Variants in IGFL2 observed in about 807,000 individuals in gnomAD.
IGFL2 encodes IGF like family member 2.
A neutral mutation model predicts 13.9 loss-of-function variants in IGFL2; 7 were observed. The observed-to-expected ratio is 0.51, with a 90% CI of 0.29 to 0.95. IGFL2 has a LOEUF of 0.95. IGFL2 is among the 40% of genes least tolerant of loss of function. The probability of loss-of-function intolerance (pLI) is 0.08; values close to 1 mark genes in which losing one functional copy is unlikely to be tolerated. For missense variants in IGFL2, 138 were observed against 147.8 expected (o/e 0.93, Z 0.34); for synonymous variants, 55 against 55.8 (o/e 0.99, Z 0.07).
At chr19:46,106,200 C>T in the IGFL2 span, among the ~76,000 whole-genome samples, 6 of 151,946 alleles carry the variant, frequency 3.9e-5, no homozygotes, top group Admixed American at 3.3e-4. Context: ...AGATAGGTAA[C>T]GGATGAGGAA....
At chr19:46,127,431 T>C in the IGFL2 span, among the ~76,000 whole-genome samples, 1 of 152,206 alleles carries the variant, frequency 6.6e-6, no homozygotes, top group Non-Finnish European at 1.5e-5. Flanking sequence ...CCATGAACTA[T>C]TGACAATTTA....
the IGFL2 span, chr19:46,136,946 G>C: frequency 8.1e-7 from 1 of 1,229,970 alleles, no homozygotes; most frequent in Non-Finnish European, 1.2e-6. Flanking sequence ...CTGTAAAGTT[G>C]TTGGCTGCTA....
the IGFL2 span, among the ~76,000 whole-genome samples, chr19:46,170,438 A>G: frequency 8.2e-4 from 125 of 152,314 alleles, 2 homozygotes; most frequent in Middle Eastern, 0.017. Flanking sequence ...TGATGATTGC[A>G]TTAACTGCAC....
the IGFL2 span, among the ~76,000 whole-genome samples, chr19:46,175,539 T>A: frequency 6.6e-6 from 1 of 151,850 alleles, no homozygotes; most frequent in African/African-American, 2.4e-5. Context: ...TAAGTAATAC[T>A]TTGTGCAATT....
chr19:46,117,169 A>G, the IGFL2 span, among the ~76,000 whole-genome samples: 1 of 152,178 alleles, frequency 6.6e-6, no homozygotes. Flanking sequence ...AAGCCTATTC[A>G]GTAAGTTTTT....
the IGFL2 span, among the ~76,000 whole-genome samples, chr19:46,194,357 C>T: frequency 1.3e-5 from 2 of 152,096 alleles, no homozygotes; most frequent in Non-Finnish European, 2.9e-5. Context: ...TTGTTAGAAA[C>T]CTCCTGTGGT....
chr19:46,134,927 A>G, the IGFL2 span, among the ~76,000 whole-genome samples: 1 of 152,234 alleles, frequency 6.6e-6, no homozygotes, highest in South Asian at 2.1e-4. Flanking sequence ...CCCTAGGTGC[A>G]TAATACTGAG....
chr19:46,182,173 C>T, the IGFL2 span, among the ~76,000 whole-genome samples: 1 of 151,960 alleles, frequency 6.6e-6, no homozygotes, highest in Non-Finnish European at 1.5e-5. Context: ...TCGAGATGAG[C>T]CTGGCCAACA....
At chr19:46,127,739 C>CT in the IGFL2 span, among the ~76,000 whole-genome samples, 16 of 150,750 alleles carry the variant, frequency 1.1e-4, no homozygotes, top group Non-Finnish European at 1.5e-4. Context: ...CATGCAATTT[C>CT]TTTTTTTTTA....
chr19:46,108,230 AGGAGAGAAAGAAGGATTTGGGAT>A, the IGFL2 span, among the ~76,000 whole-genome samples: 1 of 152,164 alleles, frequency 6.6e-6, no homozygotes, highest in African/African-American at 2.4e-5. Context: ...AGGAACAGTC[AGGAGAGAAAGAAGGATTTGGGAT>A]GGGTCGCATT....
At chr19:46,139,831 G>A (rs1568416944), upstream of IGFL2, among the ~76,000 whole-genome samples, 1 of 151,412 alleles carries the variant, frequency 6.6e-6, no homozygotes, top group African/African-American at 2.4e-5. Context: ...ATGTGTATAT[G>A]TCTATATATA....
chr19:46,082,666 G>A, the IGFL2 span, among the ~76,000 whole-genome samples: 1 of 149,956 alleles, frequency 6.7e-6, no homozygotes, highest in Admixed American at 6.7e-5. Flanking sequence ...ACTCTGTCAC[G>A]CAGCTGGAGC....
chr19:46,152,831 T>C lies in IGFL2; in HGVS notation c.19+4534T>C, dbSNP rs577671923. ...TTTATTGTAGATGCTCTTTAACAGG[T>C]TGAGGAAACTCTCTTCTATTCCTAG... is the stretch of plus-strand genomic sequence containing the variant. On this transcript the variant is annotated intron_variant, in intron 1 of 3. Transcript: ENST00000377693. 5.8e-4 allele frequency among the ~76,000 whole-genome samples: 89 copies of C among 152,328 alleles called. 1 individual carries two copies. The highest frequency in any genetic ancestry group is 1.9e-3 in the African/African-American group (80 of 41,568).
At chr19:46,078,790 G>T in the IGFL2 span, among the ~76,000 whole-genome samples, 3 of 152,288 alleles carry the variant, frequency 2.0e-5, no homozygotes, top group African/African-American at 7.2e-5. Context: ...ATGGAGAGCG[G>T]CGCCCACCTT....
At chr19:46,121,429 C>T in the IGFL2 span, among the ~76,000 whole-genome samples, 1 of 147,362 alleles carries the variant, frequency 6.8e-6, no homozygotes, top group African/African-American at 2.5e-5. Context: ...AAGAAAATTT[C>T]TAAGATTTTC....
the IGFL2 span, chr19:46,213,968 C>G: frequency 6.6e-6 from 1 of 152,616 alleles, no homozygotes; most frequent in Non-Finnish European, 1.5e-5. Context: ...GACGGCCCCA[C>G]GGAAGATGCA....
rs146166053 is a variant in IGFL2 at position 46,155,556 on chromosome 19, G to C, written c.20-4859G>C. On this transcript the variant is annotated intron_variant, in intron 1 of 3. Transcript: ENST00000377693. ...TTTATAAAAAAAATAATTTTCATCAGTTAAATGGTTGTTTTGCCGGGAGGA... is the reference window on the plus strand; with the variant it reads ...TTTATAAAAAAAATAATTTTCATCACTTAAATGGTTGTTTTGCCGGGAGGA... Among the ~76,000 whole-genome samples the C allele has an allele frequency of 8.5e-5, 13 of 152,262 alleles. No homozygotes were observed. The East Asian group carries it at 2.5e-3, about 29-fold the overall frequency.
the IGFL2 span, among the ~76,000 whole-genome samples, chr19:46,110,093 A>G: frequency 6.6e-5 from 10 of 152,238 alleles, no homozygotes; most frequent in African/African-American, 2.4e-4. Context: ...AAGTTTGGAC[A>G]AGATTCCTTT....
At chr19:46,149,169 C>T (rs879039117) in intron 1 of IGFL2, 8 of 646,006 alleles carry the variant, frequency 1.2e-5, no homozygotes, top group East Asian at 2.8e-5. Context: ...TCTTCTCTCT[C>T]TCTCTCTTCT....
Sources: gnomAD v4.1 joint callset for allele counts (sites outside exome capture counted in the v4.1 genomes callset) on GRCh38, gnomAD v4.1.1 for gene constraint, MANE v1.5 for transcripts, NCBI Gene and HGNC (gene_info 2026-07-23, HGNC 2026-07-21) for gene names.